Variants in HECW2 observed in about 807,000 individuals in gnomAD.
The protein encoded by HECW2 is HECT, C2 and WW domain containing E3 ubiquitin protein ligase 2, also known as E3 ubiquitin-protein ligase HECW2.
Under a neutral mutation model 175.2 loss-of-function variants are expected in HECW2, and 61 were observed. The observed-to-expected ratio is 0.35, with a 90% CI of 0.28 to 0.43. The LOEUF is 0.43. Ranked by LOEUF, HECW2 falls within the 20% of genes least tolerant of loss-of-function variation. The pLI, the probability that HECW2 is intolerant of heterozygous loss-of-function variation, is 1.00. For missense variants in HECW2, 1,524 were observed against 2,000.5 expected (o/e 0.76, Z 4.54); for synonymous variants, 671 against 731.0 (o/e 0.92, Z 1.32).
intron 1 of HECW2, among the ~76,000 whole-genome samples, chr2:196,578,793 CA>C (rs1690655618): frequency 6.6e-6 from 1 of 151,958 alleles, no homozygotes; most frequent in African/African-American, 2.4e-5. Context: ...AAGCCATTCT[CA>C]AATAAGCAAA....
At chr2:196,271,019 T>C (rs1003882387) in intron 17 of HECW2, among the ~76,000 whole-genome samples, 174 bp downstream of exon 17, 1 of 152,108 alleles carries the variant, frequency 6.6e-6, no homozygotes, top group African/African-American at 2.4e-5. Context: ...TTATACTTAA[T>C]AGAGAGAAGC....
chr2:196,386,113 C>T (rs993068480), intron 2 of HECW2, among the ~76,000 whole-genome samples: 2 of 152,208 alleles, frequency 1.3e-5, no homozygotes, highest in Non-Finnish European at 2.9e-5. Context: ...TGAGTGCCTA[C>T]TTTGTGCCAG....
intron 2 of HECW2, among the ~76,000 whole-genome samples, chr2:196,415,728 A>G (rs1358506074): frequency 1.3e-5 from 2 of 152,226 alleles, no homozygotes; most frequent in African/African-American, 4.8e-5. Flanking sequence ...GACATCCACA[A>G]CAAAGCCTGA....
rs1689324758 is a variant in HECW2 at position 196,262,258 on chromosome 2, C to T, written c.3336-4352G>A. ...TCTGGGCTGGTCTTGAACTCCTGGC[C>T]TCAAGTGATCCTCCTGCCTCAGCCT... On this transcript the variant is annotated intron_variant, in intron 17 of 28. Coordinates refer to ENST00000644978, the MANE Select transcript of HECW2 (RefSeq NM_001348768.2). 6.6e-5 allele frequency among the ~76,000 whole-genome samples: 10 copies of T among 152,252 alleles called. No homozygotes were observed. The South Asian group carries it at 2.1e-3, about 32-fold the overall frequency.
intron 3 of HECW2, 63 bp from the exon 4 acceptor site, chr2:196,334,581 G>T: frequency 7.5e-7 from 1 of 1,335,796 alleles, no homozygotes; most frequent in Non-Finnish European, 1.0e-6. Flanking sequence ...GGAATCAGCT[G>T]TGGAAATCCA....
At chr2:196,398,765 G>T (rs574305524) in intron 2 of HECW2, among the ~76,000 whole-genome samples, 3 of 152,290 alleles carry the variant, frequency 2.0e-5, no homozygotes, top group Middle Eastern at 6.8e-3. Context: ...AAAGACTCAC[G>T]TTATTCTGCA....
At chr2:196,360,302 C>T (rs1693540368) in intron 2 of HECW2, among the ~76,000 whole-genome samples, 1 of 152,080 alleles carries the variant, frequency 6.6e-6, no homozygotes, top group Admixed American at 6.5e-5. Context: ...ACCTAAATGC[C>T]CATCAATGAC....
intron 2 of HECW2, among the ~76,000 whole-genome samples, chr2:196,420,139 CTA>C (rs1243795410): frequency 6.6e-6 from 1 of 152,160 alleles, no homozygotes; most frequent in African/African-American, 2.4e-5. Context: ...AAAACTCAAA[CTA>C]TGAAAATGTG....
intron 13 of HECW2, among the ~76,000 whole-genome samples, chr2:196,294,247 T>C (rs1690720647): frequency 6.6e-6 from 1 of 152,216 alleles, no homozygotes; most frequent in Admixed American, 6.5e-5. Flanking sequence ...CATAATACCA[T>C]GCACAAAACA....
chr2:196,302,865 A>G (rs564722210), intron 13 of HECW2, among the ~76,000 whole-genome samples: 1 of 152,350 alleles, frequency 6.6e-6, no homozygotes, highest in South Asian at 2.1e-4. Context: ...GCAAACAAAG[A>G]TAATTTGACT....
intron 2 of HECW2, among the ~76,000 whole-genome samples, chr2:196,396,596 T>C (rs1200490091): frequency 1.3e-5 from 2 of 152,238 alleles, no homozygotes; most frequent in South Asian, 2.1e-4. Context: ...TGTATCTCTA[T>C]TGTTTCCCCT....
chr2:196,319,773 A>C lies in HECW2; in HGVS notation c.1117T>G (p.Ser373Ala). 1 of 1,614,180 alleles carries C rather than the reference A, an allele frequency of 6.2e-7. No homozygotes were observed. The highest frequency in any genetic ancestry group is 8.5e-7 in the Non-Finnish European group (1 of 1,180,022). ...DSQVCSNGPVSEDSAADGTPK... is the reference protein window; with the variant it reads ...DSQVCSNGPVAEDSAADGTPK... The stretch of plus-strand genomic sequence containing the variant: ...GTTCCATCGGCAGCACTGTCCTCAG[A>C]AACTGGCCCATTAGAGCACACCTGG... Residue 373 changes from serine to alanine, a missense_variant, in exon 9 of 29, where the codon TCT (serine) becomes GCT (alanine). Transcript: ENST00000644978.
At chr2:196,478,647 T>C (rs928828084) in intron 1 of HECW2, among the ~76,000 whole-genome samples, 2 of 151,794 alleles carry the variant, frequency 1.3e-5, no homozygotes, top group Non-Finnish European at 2.9e-5. Flanking sequence ...TTAAAAAAAG[T>C]ATGTCAAAAG....
At chr2:196,473,252 G>A (rs945152485) in intron 1 of HECW2, among the ~76,000 whole-genome samples, 2 of 152,220 alleles carry the variant, frequency 1.3e-5, no homozygotes, top group Non-Finnish European at 1.5e-5. Context: ...CCAAAGTGGA[G>A]TGCATTGGGC....
chr2:196,368,473 C>G (rs1431331528), intron 2 of HECW2, among the ~76,000 whole-genome samples: 1 of 152,152 alleles, frequency 6.6e-6, no homozygotes, highest in African/African-American at 2.4e-5. Flanking sequence ...TTAGTTAAAT[C>G]TACTTGCTGT....
At chr2:196,396,940 T>C (rs1439429883) in intron 2 of HECW2, among the ~76,000 whole-genome samples, 3 of 151,358 alleles carry the variant, frequency 2.0e-5, no homozygotes, top group African/African-American at 4.9e-5. Flanking sequence ...TGAAGCCCCA[T>C]CTCTACTAAA....
chr2:196,538,232 A>C (rs1285801730), intron 1 of HECW2, among the ~76,000 whole-genome samples: 1 of 152,222 alleles, frequency 6.6e-6, no homozygotes, highest in East Asian at 1.9e-4. Context: ...AAGACAAACA[A>C]GGAAGGTGAT....
At position 196,445,389 on chromosome 2, in the gene HECW2, A is replaced by G. The variant is rs139679257; in HGVS notation, c.-35-11931T>C. Among the ~76,000 whole-genome samples the G allele has an allele frequency of 1.7e-3, 253 of 152,274 alleles. 5 individuals are homozygous for G. In the South Asian group the frequency reaches 0.021, roughly 12 times the overall value. On this transcript the variant is annotated intron_variant, in intron 1 of 28. Transcript: ENST00000644978. ...ATGACACAGTGTTAACAGCATCTCC[A>G]TTCACTTGTTTAATTAGCATTATTG...
chr2:196,208,997 C>G (rs937797266), intron 28 of HECW2, among the ~76,000 whole-genome samples: 1 of 152,148 alleles, frequency 6.6e-6, no homozygotes, highest in Non-Finnish European at 1.5e-5. Context: ...CAGTCTACTG[C>G]AGTAGTCCAG....
Sources: allele counts gnomAD v4.1 joint callset (sites outside exome capture counted in the v4.1 genomes callset), GRCh38; gene constraint gnomAD v4.1.1; transcripts MANE v1.5; gene names NCBI Gene and HGNC (gene_info 2026-07-23, HGNC 2026-07-21).